Variants in LNPEP observed in about 807,000 individuals in gnomAD.
LNPEP encodes the protein leucyl-cystinyl aminopeptidase.
In LNPEP, 64 loss-of-function variants were observed where a neutral mutation model predicts 120.6. That is an observed-to-expected ratio of 0.53 (90% CI 0.43 to 0.65). The LOEUF (loss-of-function observed/expected upper bound fraction) is 0.65, where lower values mean the gene tolerates loss of function less well. Ranked by LOEUF, LNPEP falls within the 30% of genes least tolerant of loss-of-function variation. LNPEP has a pLI of 0.00. For missense variants in LNPEP, 1,057 were observed against 1,200.0 expected (o/e 0.88, Z 1.76); for synonymous variants, 435 against 425.4 (o/e 1.02, Z -0.28).
rs553308039 is a variant in LNPEP at position 97,008,899 on chromosome 5, A to G, written c.2035+2384A>G. ...GATCTCCTGACCTCGTGATCCGCCC[A>G]CCTCGGCCTCCCAAAGTGCTGGGAT... is the stretch of plus-strand genomic sequence containing the variant. On this transcript the variant is annotated intron_variant, in intron 11 of 17. Transcript: ENST00000231368. Among the ~76,000 whole-genome samples the G allele has an allele frequency of 3.4e-4, 52 of 151,486 alleles. No homozygotes were observed. In the South Asian group the frequency reaches 5.0e-3, roughly 15 times the overall value.
chr5:97,010,508 G>A (rs1006526263), intron 11 of LNPEP: 1 of 985,238 alleles, frequency 1.0e-6, no homozygotes, highest in Non-Finnish European at 1.2e-6. Flanking sequence ...AAGTTCAATA[G>A]CATGTATGAT....
intron 15 of LNPEP, 119 bp from the exon 16 acceptor site, chr5:97,026,498 G>C: frequency 1.4e-6 from 1 of 739,476 alleles, no homozygotes; most frequent in Non-Finnish European, 2.2e-6. Context: ...TAATGCAACA[G>C]TTATTTCTCA....
chr5:96,955,020 G>T (rs1789429378), intron 1 of LNPEP, among the ~76,000 whole-genome samples: 1 of 149,286 alleles, frequency 6.7e-6, no homozygotes, highest in South Asian at 2.1e-4. Flanking sequence ...CTGACCTCGT[G>T]ATCCGCCTGC....
intron 1 of LNPEP, chr5:96,942,864 A>C (rs1789091725): frequency 6.5e-6 from 1 of 152,764 alleles, no homozygotes; most frequent in Non-Finnish European, 1.5e-5. Context: ...CCTAGAACTT[A>C]AAGTATAATA....
intron 1 of LNPEP, among the ~76,000 whole-genome samples, chr5:96,944,336 C>G (rs192664663): frequency 1.3e-3 from 197 of 152,124 alleles, no homozygotes; most frequent in African/African-American, 4.5e-3. Context: ...GTGACCAAGG[C>G]CCAAAGCACA....
intron 1 of LNPEP, among the ~76,000 whole-genome samples, chr5:96,977,024 G>A (rs1208556078): frequency 6.6e-6 from 1 of 151,638 alleles, no homozygotes; most frequent in Non-Finnish European, 1.5e-5. Context: ...CATAGTAGAT[G>A]GGTAGATGGC....
chr5:97,025,817 TA>T (rs35345032), intron 15 of LNPEP, among the ~76,000 whole-genome samples: 90,323 of 151,824 alleles, frequency 0.59, 26,946 homozygotes, highest in Middle Eastern at 0.71. Flanking sequence ...GCTTTATATA[TA>T]AAAAAAAACT....
chr5:97,035,374 A>G lies in LNPEP; in HGVS notation c.*6841A>G, dbSNP rs979304088. ...CTTATTGCCTGTGTCGGCAATAGGA[A>G]GTAGAATAGTTGTGTGTTGTTTACT... On this transcript the variant is annotated 3_prime_UTR_variant, in exon 18 of 18. Coordinates refer to ENST00000231368, the MANE Select transcript of LNPEP (RefSeq NM_005575.3). 3 of 152,126 alleles carry G rather than the reference A, an allele frequency of 2.0e-5. No individual in the cohort carries two copies. The highest frequency in any genetic ancestry group is 4.4e-5 in the Non-Finnish European group (3 of 68,006). The allele number at this position is 152,126 out of a possible 1,614,324, so 9.4% of individuals were successfully genotyped here. A position where few individuals can be genotyped will look rare whatever the true frequency, so the allele number is the denominator to read the frequency against.
intron 1 of LNPEP, among the ~76,000 whole-genome samples, chr5:96,963,726 T>C (rs1789660080): frequency 6.6e-6 from 1 of 152,164 alleles, no homozygotes; most frequent in Non-Finnish European, 1.5e-5. Flanking sequence ...TAATAGCAAA[T>C]TCCTTTTTAA....
intron 1 of LNPEP, among the ~76,000 whole-genome samples, chr5:96,954,739 TATATATACAC>T (rs1789409910): frequency 1.3e-4 from 12 of 93,278 alleles, no homozygotes; most frequent in South Asian, 9.4e-4. Flanking sequence ...TATATACATA[TATATATACAC>T]ATATATATAT....
chr5:96,947,671 C>G (rs1187913874), intron 1 of LNPEP, among the ~76,000 whole-genome samples: 1 of 152,004 alleles, frequency 6.6e-6, no homozygotes, highest in Non-Finnish European at 1.5e-5. Flanking sequence ...TTTTGAATGC[C>G]TAATTGTTCA....
intron 1 of LNPEP, among the ~76,000 whole-genome samples, chr5:96,956,500 T>C (rs945792451): frequency 9.2e-5 from 14 of 152,230 alleles, no homozygotes; most frequent in African/African-American, 3.1e-4. Context: ...CCTGGGCGAC[T>C]GCGTGAGACT....
At chr5:96,980,172 G>C (rs1266146822) in intron 2 of LNPEP, among the ~76,000 whole-genome samples, 194 bp downstream of exon 2, 1 of 152,044 alleles carries the variant, frequency 6.6e-6, no homozygotes, top group Non-Finnish European at 1.5e-5. Context: ...TATCATGGTG[G>C]GGTGGAGATA....
At chr5:96,948,886 A>G (rs1045923339) in intron 1 of LNPEP, among the ~76,000 whole-genome samples, 3 of 152,234 alleles carry the variant, frequency 2.0e-5, no homozygotes. Context: ...TGAAGTGAAA[A>G]GTTCAGACAG....
chr5:96,996,773 A>G (rs1004471360), intron 7 of LNPEP, among the ~76,000 whole-genome samples: 1 of 152,056 alleles, frequency 6.6e-6, no homozygotes, highest in Admixed American at 6.6e-5. Flanking sequence ...TTGTTTTGCA[A>G]CATTTTCTTT....
At chr5:96,939,802 A>G (rs1789010806) in intron 1 of LNPEP, among the ~76,000 whole-genome samples, 2 of 152,066 alleles carry the variant, frequency 1.3e-5, no homozygotes, top group Non-Finnish European at 2.9e-5. Context: ...GGGTTGTAAT[A>G]CAGTATAAAA....
chr5:96,991,910 C>A (rs534980972), intron 4 of LNPEP, among the ~76,000 whole-genome samples: 5 of 152,168 alleles, frequency 3.3e-5, no homozygotes, highest in African/African-American at 1.2e-4. Context: ...ATGAATTGTT[C>A]AAAAAGTTTC....
At chr5:97,012,815 A>G (rs1352271536) in intron 11 of LNPEP, among the ~76,000 whole-genome samples, 3 of 152,204 alleles carry the variant, frequency 2.0e-5, no homozygotes, top group Non-Finnish European at 2.9e-5. Flanking sequence ...TTCTCTCAGC[A>G]TTTATAGTAG....
chr5:96,989,331 TA>T (rs1561443057), intron 4 of LNPEP, among the ~76,000 whole-genome samples: 7 of 22,314 alleles, frequency 3.1e-4, no homozygotes, highest in African/African-American at 1.2e-3. Flanking sequence ...AATATATAAT[TA>T]TATATAATAT....
Sources: gnomAD v4.1 joint callset for allele counts (sites outside exome capture counted in the v4.1 genomes callset) on GRCh38, gnomAD v4.1.1 for gene constraint, MANE v1.5 for transcripts, NCBI Gene and HGNC (gene_info 2026-07-23, HGNC 2026-07-21) for gene names.